GBE1: variants seen among roughly 807,000 people sequenced by gnomAD.
The protein encoded by GBE1 is 1,4-alpha-glucan-branching enzyme.
Under a neutral mutation model 88.8 loss-of-function variants are expected in GBE1, and 70 were observed. The observed-to-expected ratio is 0.79, with a 90% CI of 0.65 to 0.96. The LOEUF (loss-of-function observed/expected upper bound fraction) is 0.96. GBE1 is among the 40% of genes least tolerant of loss of function. The probability of loss-of-function intolerance (pLI) is 0.00; values close to 1 mark genes in which losing one functional copy is unlikely to be tolerated. For synonymous variants in GBE1, 284 were observed against 300.1 expected (o/e 0.95, Z 0.56); for missense variants, 872 against 871.0 (o/e 1.00, Z -0.01).
Position 81,593,950 on chromosome 3 carries a change from A to T in GBE1, c.1066T>A (p.Phe356Ile), listed in dbSNP as rs1703917594. 11 of 1,585,750 alleles carry T rather than the reference A, an allele frequency of 6.9e-6. No homozygotes were observed. Among genetic ancestry groups the T allele is most frequent in the Non-Finnish European group, 7.7e-6 (9 of 1,164,460 alleles). Residue 356 changes from phenylalanine (F) to isoleucine (I), a missense_variant, in exon 8 of 16, where the codon TTT becomes ATT. Phe to Ile is a conservative substitution (Grantham distance 21). Transcript: ENST00000429644. Reference protein sequence around the residue: ...LEEYRFDGFRFDGVTSMLYHH... With the variant: ...LEEYRFDGFRIDGVTSMLYHH... ...TAAAGCATGGACGTAACACCATCAA[A>T]ACGAAATCCATCAAAGCGATATTCT...
At chr3:81,597,695 A>G (rs1703978972) in intron 7 of GBE1, among the ~76,000 whole-genome samples, 1 of 151,116 alleles carries the variant, frequency 6.6e-6, no homozygotes, top group African/African-American at 2.4e-5. Flanking sequence ...GAAAAAAAAT[A>G]ATGAAATGCA....
chr3:81,610,474 G>A (rs1200070124), intron 7 of GBE1, among the ~76,000 whole-genome samples: 1 of 152,052 alleles, frequency 6.6e-6, no homozygotes, highest in African/African-American at 2.4e-5. Flanking sequence ...CACTTCATAA[G>A]AAAAGACCTA....
At chr3:81,550,093 G>A (rs749757430) in intron 12 of GBE1, among the ~76,000 whole-genome samples, 7 of 151,360 alleles carry the variant, frequency 4.6e-5, no homozygotes, top group Non-Finnish European at 1.0e-4. Context: ...ATAACAGCTT[G>A]GTTCCAACAA....
At chr3:81,670,714 T>A in intron 3 of GBE1, 124 bp downstream of exon 3, 1 of 591,794 alleles carries the variant, frequency 1.7e-6, no homozygotes, top group South Asian at 2.4e-5. Flanking sequence ...TATTTGTACA[T>A]TTAGACTGTT....
At chr3:81,552,088 T>G (rs917587679) in intron 12 of GBE1, among the ~76,000 whole-genome samples, 4 of 152,200 alleles carry the variant, frequency 2.6e-5, no homozygotes, top group Non-Finnish European at 5.9e-5. Flanking sequence ...AACTTGAACT[T>G]TGGTTGATCT....
chr3:81,519,601 T>C (rs1702846017), intron 14 of GBE1, among the ~76,000 whole-genome samples: 1 of 151,420 alleles, frequency 6.6e-6, no homozygotes, highest in Non-Finnish European at 1.5e-5. Flanking sequence ...TTAAAATTTC[T>C]ATTGTATATC....
At chr3:81,505,862 C>T (rs536890165) in intron 14 of GBE1, among the ~76,000 whole-genome samples, 2 of 152,074 alleles carry the variant, frequency 1.3e-5, no homozygotes, top group South Asian at 2.1e-4. Flanking sequence ...GACAGTTCTG[C>T]TAGCTAGCCA....
intron 7 of GBE1, among the ~76,000 whole-genome samples, chr3:81,630,478 T>G (rs944914284): frequency 1.3e-5 from 2 of 152,166 alleles, no homozygotes; most frequent in Non-Finnish European, 2.9e-5. Flanking sequence ...AGAACAAAGC[T>G]GGAGGCATCA....
intron 1 of GBE1, among the ~76,000 whole-genome samples, chr3:81,741,366 A>G (rs920939070): frequency 6.6e-6 from 1 of 152,178 alleles, no homozygotes; most frequent in Non-Finnish European, 1.5e-5. Flanking sequence ...TCACAATGCA[A>G]TAGAGCCTTG....
At chr3:81,629,560 C>A (rs1327042954) in intron 7 of GBE1, among the ~76,000 whole-genome samples, 29 of 152,042 alleles carry the variant, frequency 1.9e-4, no homozygotes. Flanking sequence ...TGTAGATTTA[C>A]CCAATGTAAT....
chr3:81,740,381 T>C (rs1449730412), intron 1 of GBE1, among the ~76,000 whole-genome samples: 1 of 150,696 alleles, frequency 6.6e-6, no homozygotes, highest in Non-Finnish European at 1.5e-5. Flanking sequence ...ATCTCTCTCT[T>C]TTTTTTTTAA....
rs138793626 is a variant in GBE1 at position 81,599,265 on chromosome 3, A to T, written c.993-5242T>A. ...TGCCACGTAAGATTCACAAAAGGCAAACCTGAAGTGTCTGTGACTGTGAGT... is the reference window on the plus strand; with the variant it reads ...TGCCACGTAAGATTCACAAAAGGCATACCTGAAGTGTCTGTGACTGTGAGT... On this transcript the variant is annotated intron_variant, in intron 7 of 15. Transcript: ENST00000429644. 1.4e-4 allele frequency among the ~76,000 whole-genome samples: 21 copies of T among 152,262 alleles called. No individual in the cohort carries two copies. The East Asian group carries it at 3.9e-3, about 28-fold the overall frequency.
chr3:81,623,263 G>A (rs1486590581), intron 7 of GBE1, among the ~76,000 whole-genome samples: 1 of 152,114 alleles, frequency 6.6e-6, no homozygotes, highest in African/African-American at 2.4e-5. Flanking sequence ...CAACCCCACT[G>A]CCCCTGCAGG....
intron 7 of GBE1, among the ~76,000 whole-genome samples, chr3:81,595,501 A>G (rs915832373): frequency 6.6e-6 from 1 of 151,938 alleles, no homozygotes; most frequent in Non-Finnish European, 1.5e-5. Flanking sequence ...CAAGTTTGCT[A>G]TATGAGAATT....
intron 7 of GBE1, among the ~76,000 whole-genome samples, chr3:81,619,424 T>A (rs911405490): frequency 6.6e-6 from 1 of 152,152 alleles, no homozygotes; most frequent in East Asian, 1.9e-4. Flanking sequence ...TTCACATATA[T>A]TAAGGGTACA....
chr3:81,636,312 G>A (rs1369132986), intron 7 of GBE1, among the ~76,000 whole-genome samples: 1 of 152,116 alleles, frequency 6.6e-6, no homozygotes, highest in Non-Finnish European at 1.5e-5. Context: ...AGGAAGAAAT[G>A]CTGAAAGGGA....
At chr3:81,701,608 C>T (rs185964954) in intron 2 of GBE1, among the ~76,000 whole-genome samples, 2 of 151,716 alleles carry the variant, frequency 1.3e-5, no homozygotes, top group Non-Finnish European at 2.9e-5. Context: ...TAGAGCAAAC[C>T]AGTCAGGCAG....
intron 7 of GBE1, among the ~76,000 whole-genome samples, chr3:81,630,167 C>T (rs186825768): frequency 4.4e-4 from 67 of 152,184 alleles, no homozygotes; most frequent in Admixed American, 2.7e-3. Flanking sequence ...AATAGTGCCA[C>T]ATGCTTCAAA....
intron 14 of GBE1, among the ~76,000 whole-genome samples, chr3:81,526,011 T>A (rs1702939665): frequency 6.6e-6 from 1 of 152,118 alleles, no homozygotes; most frequent in Non-Finnish European, 1.5e-5. Flanking sequence ...TTTTGAAGGG[T>A]TTTTTATGTC....
Sources: gnomAD v4.1 joint callset for allele counts (sites outside exome capture counted in the v4.1 genomes callset) on GRCh38, gnomAD v4.1.1 for gene constraint, MANE v1.5 for transcripts, NCBI Gene and HGNC (gene_info 2026-07-23, HGNC 2026-07-21) for gene names.